Variants in NAF1 observed in about 807,000 individuals in gnomAD.
The protein encoded by NAF1 is H/ACA ribonucleoprotein complex non-core subunit NAF1.
A neutral mutation model predicts 40.6 loss-of-function variants in NAF1; 11 were observed. That is an observed-to-expected ratio of 0.27 (90% CI 0.17 to 0.45). NAF1 has a LOEUF of 0.45. Among genes scored for constraint, NAF1 ranks in the 20% least tolerant of loss-of-function variants. The pLI, the probability that NAF1 is intolerant of heterozygous loss-of-function variation, is 1.00. For missense variants in NAF1, 607 were observed against 611.1 expected, an observed-to-expected ratio of 0.99 and a Z score of 0.07; for synonymous variants, 260 against 228.5, an observed-to-expected ratio of 1.14 and a Z score of -1.24.
chr4:163,138,820 A>C (rs1731152266), intron 5 of NAF1, among the ~76,000 whole-genome samples: 1 of 152,166 alleles, frequency 6.6e-6, no homozygotes, highest in Non-Finnish European at 1.5e-5. Flanking sequence ...TTTTAAGCTA[A>C]AATACTCTAT....
At chr4:163,146,700 A>G (rs1731484948) in intron 3 of NAF1, among the ~76,000 whole-genome samples, 2 of 152,190 alleles carry the variant, frequency 1.3e-5, no homozygotes, top group Non-Finnish European at 1.5e-5. Context: ...CGCCTGCAGC[A>G]CTCTGGGAGG....
At chr4:163,112,411 GA>G (rs1730189574) in intron 2 of NAF1, among the ~76,000 whole-genome samples, 1 of 152,114 alleles carries the variant, frequency 6.6e-6, no homozygotes, top group Non-Finnish European at 1.5e-5. Context: ...TTGGAATACT[GA>G]ACATGTGTTA....
At chr4:163,150,048 A>C (rs1273839617) in intron 2 of NAF1, among the ~76,000 whole-genome samples, 1 of 152,256 alleles carries the variant, frequency 6.6e-6, no homozygotes, top group East Asian at 1.9e-4. Flanking sequence ...ATAAGATCTA[A>C]AACAAAAATT....
chr4:163,122,032 TTTAAG>T (rs1730532238), downstream of NAF1, among the ~76,000 whole-genome samples: 1 of 152,164 alleles, frequency 6.6e-6, no homozygotes, highest in African/African-American at 2.4e-5. Context: ...CCTAAAAACT[TTTAAG>T]TTAATAAAAT....
chr4:163,159,675 T>C (rs956705277), intron 2 of NAF1, among the ~76,000 whole-genome samples: 11 of 151,356 alleles, frequency 7.3e-5, no homozygotes, highest in Non-Finnish European at 7.4e-5. Context: ...ATCAGGAGAA[T>C]AGAGTGTACT....
At chr4:163,149,416 A>G (rs1731605759) in intron 2 of NAF1, among the ~76,000 whole-genome samples, 1 of 152,186 alleles carries the variant, frequency 6.6e-6, no homozygotes, top group Non-Finnish European at 1.5e-5. Flanking sequence ...TATTACCCCT[A>G]CGGAAACTTA....
Position 163,140,329 on chromosome 4 carries a change from A to C in NAF1, c.772T>G (p.Ser258Ala). The change falls in exon 5 of 8, where the codon TCT becomes GCT. Residue 258 changes from serine to alanine, a missense_variant. Around this residue, in one of 3 missense-constraint regions of NAF1, gnomAD observed 407 missense variants for 365.5 expected, o/e 1.11. Coordinates refer to ENST00000274054, the MANE Select transcript of NAF1 (RefSeq NM_138386.3). ...CCTTTACTCTCAATGTGATCTGAAG[A>C]ATTAAACCGTAACACATAAAATGGA... ...AHPFYVLRFN[S>A]SDHIESKGIK... 1 of 1,609,156 alleles carries C rather than the reference A, an allele frequency of 6.2e-7. No individual in the cohort carries two copies. Among genetic ancestry groups the C allele is most frequent in the Non-Finnish European group, 8.5e-7 (1 of 1,178,228 alleles).
downstream of NAF1, among the ~76,000 whole-genome samples, chr4:163,121,893 T>G (rs976758484): frequency 1.1e-4 from 17 of 152,234 alleles, no homozygotes; most frequent in African/African-American, 3.6e-4. Flanking sequence ...TATCTTCTTT[T>G]GCTTATATTT....
rs753724087 is a variant in NAF1 at position 163,166,377 on chromosome 4, A to G, written c.351T>C (p.Asp117=). The change falls in exon 1 of 8, where the codon GAT becomes GAC. Residue 117 remains aspartate (D), a synonymous_variant. Coordinates refer to ENST00000274054, the MANE Select transcript of NAF1 (RefSeq NM_138386.3). ...APDSLETSDS[D]SDSDSETDSD... The stretch of plus-strand genomic sequence containing the variant: ...AGGCACCCGACCTGTCCGAGTCCGA[A>G]TCCGAGTCCGAGGTCTCCAAGGAGT... 3 of 1,603,758 alleles carry G rather than the reference A, an allele frequency of 1.9e-6. No individual in the cohort carries two copies. The highest frequency in any genetic ancestry group is 2.6e-6 in the Non-Finnish European group (3 of 1,174,662).
intron 7 of NAF1, 31 bp from the exon 8 acceptor site, chr4:163,129,379 G>C: frequency 6.4e-7 from 1 of 1,552,598 alleles, no homozygotes. Context: ...AACATAAAAA[G>C]GAAAATAAGT....
intron 1 of NAF1, among the ~76,000 whole-genome samples, chr4:163,165,508 TAC>T (rs748365881): frequency 6.6e-6 from 1 of 152,240 alleles, no homozygotes. Context: ...CAACCTTGTT[TAC>T]AGTTGTTACT....
intron 1 of NAF1, among the ~76,000 whole-genome samples, chr4:163,166,074 GTTTTCT>G (rs1345558866): frequency 7.9e-5 from 12 of 152,102 alleles, no homozygotes; most frequent in African/African-American, 2.9e-4. Context: ...AGATCCTCGG[GTTTTCT>G]AAAGTCTAAC....
intron 2 of NAF1, among the ~76,000 whole-genome samples, chr4:163,159,404 T>G (rs1314541046): frequency 6.6e-6 from 1 of 152,088 alleles, no homozygotes; most frequent in Admixed American, 6.5e-5. Flanking sequence ...ATTTAATAGT[T>G]CCAAATATAC....
intron 1 of NAF1, among the ~76,000 whole-genome samples, chr4:163,164,952 T>C (rs1732390818): frequency 6.6e-6 from 1 of 152,208 alleles, no homozygotes; most frequent in African/African-American, 2.4e-5. Context: ...TTAAATTTTG[T>C]TTGTTGGCTC....
At chr4:163,111,763 T>C (rs1413576214) in intron 2 of NAF1, among the ~76,000 whole-genome samples, 1 of 152,158 alleles carries the variant, frequency 6.6e-6, no homozygotes, top group East Asian at 1.9e-4. Flanking sequence ...TCTAGGTAAA[T>C]GGCATTTCTT....
In NAF1 at chr4:163,128,799, G is replaced by C. The variant is rs994820828; in HGVS notation, c.*98C>G. ...AGAAGGAATCATTTAGTATTTTACA[G>C]TGTTTTTAAAAATCTAGCTCCATAA... On this transcript the variant is annotated 3_prime_UTR_variant, in exon 8 of 8. Transcript: ENST00000274054. 7.4e-7 allele frequency: 1 copy of C among 1,344,532 alleles called. No individual in the cohort carries two copies. The highest frequency in any genetic ancestry group is 2.5e-5 in the Admixed American group (1 of 39,508). 83.3% of individuals were successfully genotyped at this position (1,344,532 alleles called of 1,614,324 possible). A position where few individuals can be genotyped will look rare whatever the true frequency, so the allele number is the denominator to read the frequency against.
chr4:163,145,696 A>T, intron 4 of NAF1, 86 bp downstream of exon 4: 1 of 865,600 alleles, frequency 1.2e-6, no homozygotes, highest in Non-Finnish European at 1.8e-6. Flanking sequence ...TAAAATAAAT[A>T]AACTCTTCTG....
Position 163,119,859 on chromosome 4 carries a change from T to A in NAF1, c.115-9569A>T, listed in dbSNP as rs566448052. On this transcript the variant is annotated intron_variant, in intron 2 of 2. Transcript: ENST00000509434. ...TTAATAGGATTTGAATGAATAAAAT[T>A]AATGCCCACAGCTACTTTCTTCTGC... 1.2e-4 allele frequency: 18 copies of A among 152,346 alleles called. No homozygotes were observed. In the South Asian group the frequency reaches 3.7e-3, roughly 32 times the overall value. The allele number at this position is 152,346 out of a possible 1,614,324, so 9.4% of individuals were successfully genotyped here.
At chr4:163,163,678 C>T (rs1312078907) in intron 2 of NAF1, among the ~76,000 whole-genome samples, 3 of 148,688 alleles carry the variant, frequency 2.0e-5, no homozygotes, top group Admixed American at 2.0e-4. Context: ...TACCATTCTA[C>T]AATTAACAAG....
Sources: gnomAD v4.1 joint callset for allele counts (sites outside exome capture counted in the v4.1 genomes callset) on GRCh38, gnomAD v4.1.1 for gene constraint, gnomAD v4.1.1 regional missense constraint, MANE v1.5 for transcripts, NCBI Gene and HGNC (gene_info 2026-07-23, HGNC 2026-07-21) for gene names.